ESR1: variants seen among roughly 807,000 people sequenced by gnomAD.
ESR1 encodes estrogen receptor 1, also known as estrogen receptor.
In ESR1, 12 loss-of-function variants were observed where a neutral mutation model predicts 52.7. That is an observed-to-expected ratio of 0.23 (90% CI 0.15 to 0.37). The LOEUF (loss-of-function observed/expected upper bound fraction) is 0.37, where lower values mean the gene tolerates loss of function less well. Among genes scored for constraint, ESR1 ranks in the 10% least tolerant of loss-of-function variants. ESR1 has a pLI of 1.00. For synonymous variants in ESR1, 305 were observed against 316.8 expected, an observed-to-expected ratio of 0.96 and a Z score of 0.39; for missense variants, 584 against 779.7, an observed-to-expected ratio of 0.75 and a Z score of 2.99.
At chr6:151,911,041 G>A (rs1323399989) in intron 3 of ESR1, among the ~76,000 whole-genome samples, 6 of 152,108 alleles carry the variant, frequency 3.9e-5, no homozygotes, top group Non-Finnish European at 7.4e-5. Context: ...TAATGCTGCC[G>A]CTGATCTGAC....
At chr6:151,995,661 G>A (rs2041418228) in intron 4 of ESR1, among the ~76,000 whole-genome samples, 1 of 152,000 alleles carries the variant, frequency 6.6e-6, no homozygotes, top group Non-Finnish European at 1.5e-5. Context: ...CATTATTATT[G>A]TTACTTGATT....
chr6:151,686,713 CA>C (rs1330322541), upstream of ESR1, among the ~76,000 whole-genome samples: 2 of 115,036 alleles, frequency 1.7e-5, no homozygotes, highest in South Asian at 2.8e-4. Flanking sequence ...ACCAACCAAC[CA>C]ACCAACCAAC....
intron 2 of ESR1, among the ~76,000 whole-genome samples, chr6:151,730,089 G>A (rs769872592): frequency 9.2e-5 from 14 of 151,978 alleles, no homozygotes; most frequent in Admixed American, 7.9e-4. Flanking sequence ...GCCCATTTCC[G>A]GGGTTCCTGT....
Position 151,704,545 on chromosome 6 carries a change from G to A in ESR1, c.-71+2540G>A, listed in dbSNP as rs756047141. Among the ~76,000 whole-genome samples the A allele has an allele frequency of 7.2e-4, 109 of 152,146 alleles. 1 individual carries two copies. Among genetic ancestry groups the A allele is most frequent in the Admixed American group, 1.2e-3 (19 of 15,286 alleles). On this transcript the variant is annotated intron_variant, in intron 2 of 2. Coordinates refer to the ESR1 transcript ENST00000404742. ...GTTGGGATTACAGGCGTGAGCCAAC[G>A]CCCCTGGCCACAAAAGTCAATTCTT...
intron 2 of ESR1, among the ~76,000 whole-genome samples, chr6:151,849,981 TATA>T (rs1786017980): frequency 3.1e-4 from 2 of 6,408 alleles, no homozygotes; most frequent in Non-Finnish European, 6.3e-4. Context: ...TAGGGAATTA[TATA>T]TATATATATA....
chr6:151,944,104 A>G, intron 3 of ESR1, 69 bp from the exon 4 acceptor site: 2 of 1,422,368 alleles, frequency 1.4e-6, no homozygotes, highest in Non-Finnish European at 2.0e-6. Flanking sequence ...GTTAGCTTTG[A>G]AAATTTTTTG....
At chr6:151,688,929 A>G (rs1051864126), upstream of ESR1, among the ~76,000 whole-genome samples, 1 of 152,238 alleles carries the variant, frequency 6.6e-6, no homozygotes, top group African/African-American at 2.4e-5. Context: ...CTTGCACTCA[A>G]GAAAGCACAT....
chr6:151,958,166 A>G (rs1210239276), intron 4 of ESR1, among the ~76,000 whole-genome samples: 5 of 152,272 alleles, frequency 3.3e-5, no homozygotes, highest in Non-Finnish European at 5.9e-5. Context: ...ATAGCAGTCC[A>G]TGCTACAATA....
intron 4 of ESR1, among the ~76,000 whole-genome samples, chr6:151,966,887 TTCTTTTGTTCTATCC>T: frequency 6.6e-6 from 1 of 152,192 alleles, no homozygotes; most frequent in African/African-American, 2.4e-5. Context: ...TCAGAAACCC[TTCTTTTGTTCTATCC>T]CTCACTTCCA....
intron 2 of ESR1, among the ~76,000 whole-genome samples, chr6:151,737,133 C>A (rs3020349): frequency 0.48 from 73,650 of 151,960 alleles, 19,261 homozygotes; most frequent in Non-Finnish European, 0.58. Flanking sequence ...CTTCCCCATG[C>A]TTTTTTTCAG....
intron 1 of ESR1, among the ~76,000 whole-genome samples, chr6:151,832,966 T>C (rs1782690342): frequency 1.3e-5 from 2 of 152,182 alleles, no homozygotes; most frequent in African/African-American, 4.8e-5. Flanking sequence ...CACGTAGTTA[T>C]ATGATGATGA....
At position 152,098,130 on chromosome 6, in the gene ESR1, A is replaced by C. The variant is rs970669887; in HGVS notation, c.1554-602A>C. Among the ~76,000 whole-genome samples the C allele has an allele frequency of 6.6e-6, 1 of 152,090 alleles. No individual in the cohort carries two copies. The highest frequency in any genetic ancestry group is 1.5e-5 in the Non-Finnish European group (1 of 68,024). On this transcript the variant is annotated intron_variant, in intron 7 of 7. Transcript: ENST00000206249. This position sits in a 1 kb window ranked among gnomAD's most constrained non-coding sequence, Gnocchi z 5.1. ...TAGTTCCTTTAAGGGCAGCACAAAA[A>C]TCAGTGTGGCTCCGGAGAGCACATT... is the stretch of plus-strand genomic sequence containing the variant.
intron 6 of ESR1, among the ~76,000 whole-genome samples, chr6:152,064,322 G>A (rs1196525993): frequency 2.0e-5 from 3 of 152,244 alleles, no homozygotes; most frequent in South Asian, 2.1e-4. Flanking sequence ...GGGGGCCATG[G>A]TGGAGACTCT....
At chr6:151,923,385 A>C (rs1041894360) in intron 3 of ESR1, among the ~76,000 whole-genome samples, 2 of 152,198 alleles carry the variant, frequency 1.3e-5, no homozygotes, top group Non-Finnish European at 2.9e-5. Context: ...TTGTATCACC[A>C]TTATAGTAAT....
intron 5 of ESR1, among the ~76,000 whole-genome samples, chr6:152,043,741 A>C (rs988711317): frequency 2.0e-5 from 3 of 152,130 alleles, no homozygotes; most frequent in Non-Finnish European, 2.9e-5. Flanking sequence ...AAAAAGATTC[A>C]TCAGAATTTA....
chr6:151,696,013 AT>A (rs1219141103), intron 1 of ESR1, among the ~76,000 whole-genome samples: 1 of 152,254 alleles, frequency 6.6e-6, no homozygotes, highest in Non-Finnish European at 1.5e-5. Context: ...CTGAAAGAAT[AT>A]TTAAGGATTA....
At chr6:151,731,706 G>A (rs1012004266) in intron 2 of ESR1, among the ~76,000 whole-genome samples, 1 of 152,156 alleles carries the variant, frequency 6.6e-6, no homozygotes, top group Non-Finnish European at 1.5e-5. Context: ...TAATCACTAT[G>A]AGATTTGAGT....
chr6:152,088,873 T>A (rs982775818), intron 6 of ESR1, among the ~76,000 whole-genome samples: 9 of 152,174 alleles, frequency 5.9e-5, no homozygotes, highest in African/African-American at 2.2e-4. Context: ...GAAAGAAGAA[T>A]AAAAAATGAA....
chr6:151,916,610 G>C (rs991234274), intron 3 of ESR1, among the ~76,000 whole-genome samples: 4 of 151,970 alleles, frequency 2.6e-5, no homozygotes, highest in Non-Finnish European at 4.4e-5. Context: ...AAATTTGAGT[G>C]GTAAAACTTT....
Sources: gnomAD v4.1 joint callset for allele counts (sites outside exome capture counted in the v4.1 genomes callset) on GRCh38, gnomAD v4.1.1 for gene constraint, Gnocchi (gnomAD v3.1) non-coding constraint, MANE v1.5 for transcripts, NCBI Gene and HGNC (gene_info 2026-07-23, HGNC 2026-07-21) for gene names.